Variants in DNAJC24 observed in about 807,000 individuals in gnomAD.
DNAJC24 encodes dnaJ homolog subfamily C member 24.
DNAJC24 carries 17 observed loss-of-function variants against 18.0 expected under a neutral mutation model. That is an observed-to-expected ratio of 0.94 (90% CI 0.65 to 1.42). The LOEUF (loss-of-function observed/expected upper bound fraction) is 1.42. DNAJC24 is among the 40% of genes most tolerant of loss of function. DNAJC24 has a pLI of 0.00. For missense variants in DNAJC24, 158 were observed against 175.6 expected (o/e 0.90, Z 0.57); for synonymous variants, 55 against 57.7 (o/e 0.95, Z 0.21).
rs550445898 is a variant in DNAJC24, at chr11:31,403,861, A to C, written c.112-10950A>C. On this transcript the variant is annotated intron_variant, in intron 2 of 4. Transcript: ENST00000465995. The stretch of plus-strand genomic sequence containing the variant: ...AAGAAAGACTTCAGGGTGAGTCCAT[A>C]AAGTGAAAGGAAGTTTATTAAGAAA... Among the ~76,000 whole-genome samples the C allele has an allele frequency of 2.0e-5, 3 of 152,322 alleles. No individual in the cohort carries two copies. The South Asian group carries it at 6.2e-4, about 32-fold the overall frequency.
At position 31,432,659 on chromosome 11, in the gene DNAJC24, T is replaced by C. The variant is rs1952949114; in HGVS notation, c.*2258T>C. ...TTTTGCTATCTGTCCCTTTTCTCTA[T>C]GCCAGATAAACACTTTCTCCTTACT... On this transcript the variant is annotated 3_prime_UTR_variant, in exon 5 of 5. Coordinates refer to ENST00000465995, the MANE Select transcript of DNAJC24 (RefSeq NM_181706.5). 1.2e-6 allele frequency: 1 copy of C among 842,804 alleles called. No individual in the cohort carries two copies. The highest frequency in any genetic ancestry group is 2.0e-6 in the Non-Finnish European group (1 of 495,412). The allele number at this position is 842,804 out of a possible 1,614,324, so 52.2% of individuals were successfully genotyped here. A position where few individuals can be genotyped will look rare whatever the true frequency, so the allele number is the denominator to read the frequency against.
intron 2 of DNAJC24, among the ~76,000 whole-genome samples, chr11:31,412,626 A>T (rs768308675): frequency 6.6e-6 from 1 of 152,222 alleles, no homozygotes; most frequent in Non-Finnish European, 1.5e-5. Flanking sequence ...ATCATTTGAT[A>T]AATCATGGGC....
intron 2 of DNAJC24, among the ~76,000 whole-genome samples, chr11:31,383,663 G>A (rs1440013249): frequency 6.6e-6 from 1 of 152,202 alleles, no homozygotes; most frequent in African/African-American, 2.4e-5. Context: ...TGGAAAGCAA[G>A]GTTGCACAGA....
At position 31,414,821 on chromosome 11, in the gene DNAJC24, A is replaced by G; in HGVS notation, c.122A>G (p.Asp41Gly). ...CTTTTTGATTGGCAGTATCATCCAG[A>G]TAAACAAAGTACAGATGTACCAGCA... ...YQKLILMYHP[D>G]KQSTDVPAGT... Residue 41 changes from aspartate to glycine, a missense_variant, in exon 3 of 5, where the codon GAT becomes GGT. Transcript: ENST00000465995. The G allele has an allele frequency of 2.5e-6, 4 of 1,613,364 alleles. No homozygotes were observed. Among genetic ancestry groups the G allele is most frequent in the Non-Finnish European group, 3.4e-6 (4 of 1,179,628 alleles).
chr11:31,431,779 T>C lies in DNAJC24; in HGVS notation c.*1378T>C. On this transcript the variant is annotated 3_prime_UTR_variant, in exon 5 of 5. Coordinates refer to ENST00000465995, the MANE Select transcript of DNAJC24 (RefSeq NM_181706.5). Reference sequence around the variant, plus strand: ...GTGAGCCGAGGTTGTGCCACTGCACTGCAGCCTGGGCTACAGAGAGCAAGA... The same window carrying C: ...GTGAGCCGAGGTTGTGCCACTGCACCGCAGCCTGGGCTACAGAGAGCAAGA... The C allele has an allele frequency of 6.6e-6, 1 of 151,762 alleles. No homozygotes were observed. Among genetic ancestry groups the C allele is most frequent in the East Asian group, 2.0e-4 (1 of 5,128 alleles). 9.4% of individuals were successfully genotyped at this position (151,762 alleles called of 1,614,324 possible). A position where few individuals can be genotyped will look rare whatever the true frequency, so the allele number is the denominator to read the frequency against.
chr11:31,413,053 G>A (rs1341030548), intron 2 of DNAJC24, among the ~76,000 whole-genome samples: 1 of 152,068 alleles, frequency 6.6e-6, no homozygotes, highest in Admixed American at 6.5e-5. Context: ...TAAATGACAT[G>A]GTACTTGCAA....
chr11:31,391,071 C>G (rs911135763), intron 2 of DNAJC24, among the ~76,000 whole-genome samples: 14 of 152,094 alleles, frequency 9.2e-5, no homozygotes, highest in African/African-American at 3.4e-4. Context: ...TCAATGTGAT[C>G]CATCTTATCA....
chr11:31,411,589 T>C (rs1209585669), intron 2 of DNAJC24, among the ~76,000 whole-genome samples: 1 of 152,200 alleles, frequency 6.6e-6, no homozygotes, highest in African/African-American at 2.4e-5. Context: ...TTGTGGCCAC[T>C]TCACTCCAGT....
chr11:31,430,587 AATTTAT>A lies in DNAJC24; in HGVS notation c.*192_*197del, dbSNP rs1952912828. On this transcript the variant is annotated 3_prime_UTR_variant, in exon 5 of 5. Transcript: ENST00000465995. ...AATATAATTATTTATTTGTATTTATAATTTATATTTACAAGTTGTCACAAAAATAGA... is the reference window on the plus strand; with the variant it reads ...AATATAATTATTTATTTGTATTTATAATTTACAAGTTGTCACAAAAATAGA... 1 of 298,006 alleles carries A rather than the reference AATTTAT, an allele frequency of 3.4e-6. No homozygotes were observed. The allele number at this position is 298,006 out of a possible 1,614,324, so 18.5% of individuals were successfully genotyped here. A position where few individuals can be genotyped will look rare whatever the true frequency, so the allele number is the denominator to read the frequency against.
At chr11:31,405,365 C>G (rs532046655) in intron 2 of DNAJC24, among the ~76,000 whole-genome samples, 1 of 150,580 alleles carries the variant, frequency 6.6e-6, no homozygotes, top group African/African-American at 2.5e-5. Context: ...CCACCGCACC[C>G]AGCCAGGAAT....
intron 3 of DNAJC24, among the ~76,000 whole-genome samples, chr11:31,423,255 G>A (rs1263160664): frequency 6.6e-6 from 1 of 152,004 alleles, no homozygotes; most frequent in Admixed American, 6.6e-5. Flanking sequence ...AAAGCCTCTG[G>A]TTTTGTTTTT....
At chr11:31,421,497 T>A (rs1020491718) in intron 3 of DNAJC24, among the ~76,000 whole-genome samples, 1 of 152,216 alleles carries the variant, frequency 6.6e-6, no homozygotes, top group East Asian at 1.9e-4. Flanking sequence ...ATGAATATTA[T>A]GGACAGAGCT....
intron 2 of DNAJC24, among the ~76,000 whole-genome samples, chr11:31,384,227 C>T (rs1952406295): frequency 1.3e-5 from 2 of 152,238 alleles, no homozygotes; most frequent in African/African-American, 4.8e-5. Context: ...ACTCAAAGAA[C>T]TTCTTGAACT....
chr11:31,414,782 C>A, intron 2 of DNAJC24, 29 bp from the exon 3 acceptor site: 2 of 1,606,922 alleles, frequency 1.2e-6, no homozygotes, highest in Non-Finnish European at 8.5e-7. Context: ...TCTCTACTCA[C>A]CCCCTGCACC....
rs775110423 is a variant in DNAJC24 at position 31,430,387 on chromosome 11, C to T, written c.436C>T (p.Leu146Phe). ...CDTCSLIIEL[L>F]HYN ...TACATGTTCACTAATTATAGAACTC[C>T]TTCATTATAACTAAAATTGTTCACA... Residue 146 changes from leucine (L) to phenylalanine (F), a missense_variant, in exon 5 of 5, where the codon CTT becomes TTT. Transcript: ENST00000465995. 1 of 1,601,462 alleles carries T rather than the reference C, an allele frequency of 6.2e-7. No individual in the cohort carries two copies. Among genetic ancestry groups the T allele is most frequent in the Non-Finnish European group, 8.5e-7 (1 of 1,172,292 alleles).
Position 31,407,706 on chromosome 11 carries a change from A to AATATATAT in DNAJC24, c.112-7093_112-7086dup, listed in dbSNP as rs869293205. On this transcript the variant is annotated intron_variant, in intron 2 of 4. Coordinates refer to ENST00000465995, the MANE Select transcript of DNAJC24 (RefSeq NM_181706.5). ...TCTCAAAAAAAAAAAAAAAAAAAAA[A>AATATATAT]ATATATATATATATATATAAAATTT... Among the ~76,000 whole-genome samples the AATATATAT allele has an allele frequency of 9.6e-3, 589 of 61,594 alleles. 4 individuals carry two copies. Among genetic ancestry groups the AATATATAT allele is most frequent in the Middle Eastern group, 0.013 (1 of 76 alleles). 40.4% of individuals were successfully genotyped at this position (61,594 alleles called of 152,430 possible). A position where few individuals can be genotyped will look rare whatever the true frequency, so the allele number is the denominator to read the frequency against.
At chr11:31,419,206 G>A (rs1039823253) in intron 3 of DNAJC24, among the ~76,000 whole-genome samples, 1 of 151,944 alleles carries the variant, frequency 6.6e-6, no homozygotes, top group Non-Finnish European at 1.5e-5. Flanking sequence ...TTGATTTTAG[G>A]AATTTCAAAA....
intron 3 of DNAJC24, among the ~76,000 whole-genome samples, chr11:31,418,519 C>A (rs1394955223): frequency 6.6e-6 from 1 of 152,068 alleles, no homozygotes; most frequent in Non-Finnish European, 1.5e-5. Flanking sequence ...GAGTTAAGTA[C>A]TTCTCTGTGA....
intron 2 of DNAJC24, among the ~76,000 whole-genome samples, chr11:31,406,615 A>G (rs1952660440): frequency 6.6e-6 from 1 of 152,166 alleles, no homozygotes; most frequent in South Asian, 2.1e-4. Context: ...GTAATTCACT[A>G]TGCATTAGTT....
Sources: allele counts gnomAD v4.1 joint callset (sites outside exome capture counted in the v4.1 genomes callset), GRCh38; gene constraint gnomAD v4.1.1; transcripts MANE v1.5; gene names NCBI Gene and HGNC (gene_info 2026-07-23, HGNC 2026-07-21).